Variants in CPS1 observed in about 807,000 individuals in gnomAD.
The protein encoded by CPS1 is carbamoyl-phosphate synthase 1.
Under a neutral mutation model 174.6 loss-of-function variants are expected in CPS1, and 109 were observed. That is an observed-to-expected ratio of 0.62 (90% CI 0.53 to 0.73). CPS1 has a LOEUF of 0.73. Ranked by LOEUF, CPS1 falls within the 30% of genes least tolerant of loss-of-function variation. CPS1 has a pLI of 0.00. For missense variants in CPS1, 1,689 were observed against 1,821.9 expected, an observed-to-expected ratio of 0.93 and a Z score of 1.33; for synonymous variants, 637 against 632.0, an observed-to-expected ratio of 1.01 and a Z score of -0.12.
At chr2:210,583,953 G>C (rs1243947056) in intron 6 of CPS1, among the ~76,000 whole-genome samples, 1 of 152,102 alleles carries the variant, frequency 6.6e-6, no homozygotes, top group African/African-American at 2.4e-5. Flanking sequence ...CAAATGGGAG[G>C]AAGAGGGGCT....
chr2:210,653,729 C>T (rs1042999908), intron 28 of CPS1, among the ~76,000 whole-genome samples: 19 of 152,134 alleles, frequency 1.2e-4, no homozygotes, highest in Admixed American at 1.1e-3. Flanking sequence ...ATTCTGCTTC[C>T]TCCTTAGTCC....
In CPS1 at chr2:210,594,588, A is replaced by G. The variant is rs1359323350; in HGVS notation, c.1245A>G (p.Leu415=). The G allele has an allele frequency of 5.0e-6, 8 of 1,610,842 alleles. No individual in the cohort carries two copies. The East Asian group carries it at 1.6e-4, about 32-fold the overall frequency. The change falls in exon 12 of 38, where the codon CTA becomes CTG. Residue 415 remains leucine, a synonymous_variant. Transcript: ENST00000233072. ...TITSVLPKPA[L]VASRVEVSKV... ...CATCAGTCTTACCGAAGCCAGCACT[A>G]GTTGCATCTCGGGTTGAGGTCAGTA...
intron 2 of CPS1, among the ~76,000 whole-genome samples, chr2:210,575,943 C>T (rs1697692950): frequency 2.6e-5 from 4 of 152,028 alleles, no homozygotes; most frequent in Admixed American, 2.6e-4. Flanking sequence ...GTGAAACTGG[C>T]AGCCCTCAAC....
At chr2:210,514,067 G>A (rs991149793) in intron 1 of CPS1, among the ~76,000 whole-genome samples, 1 of 152,038 alleles carries the variant, frequency 6.6e-6, no homozygotes, top group Non-Finnish European at 1.5e-5. Context: ...GCAGTAGCAT[G>A]CTGTTTTTGT....
rs765351069 is a variant in CPS1, at chr2:210,676,479, T to C, written c.4275-528T>C. 2.6e-5 allele frequency among the ~76,000 whole-genome samples: 4 copies of C among 152,338 alleles called. No homozygotes were observed. In the South Asian group the frequency reaches 8.3e-4, roughly 32 times the overall value. On this transcript the variant is annotated intron_variant, in intron 36 of 37. Coordinates refer to ENST00000233072, the MANE Select transcript of CPS1 (RefSeq NM_001875.5). ...GCAGCCTACAGAATGGCTGTGCCAT[T>C]CTATGCAATATGTTATTTGTTAGCG...
chr2:210,665,449 A>G (rs1051462693), intron 33 of CPS1, among the ~76,000 whole-genome samples: 1 of 148,932 alleles, frequency 6.7e-6, no homozygotes, highest in Non-Finnish European at 1.5e-5. Context: ...AGCATTAGGT[A>G]TATCTCCTAA....
At chr2:210,551,831 C>T (rs1432463808), upstream of CPS1, among the ~76,000 whole-genome samples, 3 of 151,976 alleles carry the variant, frequency 2.0e-5, no homozygotes, top group Non-Finnish European at 4.4e-5. Context: ...TTTGAACCCT[C>T]ATCATCTAAC....
intron 15 of CPS1, among the ~76,000 whole-genome samples, chr2:210,601,241 C>A (rs1351747393): frequency 6.6e-6 from 1 of 151,884 alleles, no homozygotes; most frequent in Non-Finnish European, 1.5e-5. Context: ...TATCAATAAG[C>A]TATTAACAGT....
At chr2:210,661,389 A>G (rs1310535590) in intron 32 of CPS1, among the ~76,000 whole-genome samples, 1 of 152,220 alleles carries the variant, frequency 6.6e-6, no homozygotes, top group Non-Finnish European at 1.5e-5. Flanking sequence ...GAAGAGCACA[A>G]TGAAATTAAT....
chr2:210,611,999 TA>T, intron 19 of CPS1, 117 bp from the exon 20 acceptor site: 5 of 921,974 alleles, frequency 5.4e-6, no homozygotes, highest in Non-Finnish European at 3.3e-6. Context: ...TGAGAGGCTT[TA>T]TGATATATTT....
chr2:210,558,362 A>G (rs73073546), intron 1 of CPS1, among the ~76,000 whole-genome samples: 2,288 of 152,148 alleles, frequency 0.015, 56 homozygotes, highest in African/African-American at 0.052. Flanking sequence ...GTCTAGTTAT[A>G]TATATTTTCT....
chr2:210,593,925 A>G (rs111684712), intron 11 of CPS1, among the ~76,000 whole-genome samples: 6 of 152,072 alleles, frequency 3.9e-5, no homozygotes, highest in African/African-American at 1.2e-4. Flanking sequence ...AGCATATATT[A>G]GTACTTCGGA....
At chr2:210,607,435 A>G (rs1698957479) in intron 18 of CPS1, among the ~76,000 whole-genome samples, 1 of 151,950 alleles carries the variant, frequency 6.6e-6, no homozygotes, top group Non-Finnish European at 1.5e-5. Context: ...AAACAAATAC[A>G]TCTGCTGTCT....
intron 1 of CPS1, among the ~76,000 whole-genome samples, chr2:210,539,488 G>A (rs761675933): frequency 6.6e-6 from 1 of 152,106 alleles, no homozygotes; most frequent in Admixed American, 6.5e-5. Context: ...GTTTTGTCTT[G>A]AGTCCAGTAA....
At chr2:210,611,334 C>T (rs926171390) in intron 19 of CPS1, among the ~76,000 whole-genome samples, 1 of 151,830 alleles carries the variant, frequency 6.6e-6, no homozygotes, top group African/African-American at 2.4e-5. Flanking sequence ...ATTATGACTG[C>T]TATTATTTTA....
At chr2:210,591,317 G>C (rs1456859415) in intron 9 of CPS1, among the ~76,000 whole-genome samples, 1 of 151,926 alleles carries the variant, frequency 6.6e-6, no homozygotes, top group Non-Finnish European at 1.5e-5. Flanking sequence ...AGGTAAGTGT[G>C]ACTTAAGAGC....
intron 1 of CPS1, among the ~76,000 whole-genome samples, chr2:210,482,155 T>G (rs542720337): frequency 8.5e-5 from 13 of 152,290 alleles, no homozygotes; most frequent in African/African-American, 2.4e-4. Context: ...AAAACTTTTT[T>G]CCCTGGGTAA....
chr2:210,531,133 T>C (rs1574496228), intron 1 of CPS1, among the ~76,000 whole-genome samples: 2 of 152,074 alleles, frequency 1.3e-5, no homozygotes, highest in South Asian at 4.1e-4. Context: ...TGATCTCTAA[T>C]ATAGAAAAAA....
At position 210,677,890 on chromosome 2, in the gene CPS1, A is replaced by T; in HGVS notation, c.4408A>T (p.Thr1470Ser). 6.2e-7 allele frequency: 1 copy of T among 1,613,314 alleles called. No homozygotes were observed. The change falls in exon 38 of 38, where the codon ACC (threonine) becomes TCC (serine). Residue 1470 changes from threonine (T) to serine (S), a missense_variant. Physicochemically the swap from Thr to Ser is moderately conservative, Grantham distance 58. Transcript: ENST00000233072. ...GIPLLTNFQV[T>S]KLFAEAVQKS... Reference sequence around the variant, plus strand: ...ATTCCTACCATTATATTTTCAGGTGACCAAACTTTTTGCTGAAGCTGTGCA... The same window carrying T: ...ATTCCTACCATTATATTTTCAGGTGTCCAAACTTTTTGCTGAAGCTGTGCA...
Sources: allele counts gnomAD v4.1 joint callset (sites outside exome capture counted in the v4.1 genomes callset), GRCh38; gene constraint gnomAD v4.1.1; transcripts MANE v1.5; gene names NCBI Gene and HGNC (gene_info 2026-07-23, HGNC 2026-07-21).